SH3RF3: variants seen among roughly 807,000 people sequenced by gnomAD.
The protein encoded by SH3RF3 is E3 ubiquitin-protein ligase SH3RF3.
Under a neutral mutation model 66.3 loss-of-function variants are expected in SH3RF3, and 29 were observed. The observed-to-expected ratio is 0.44, with a 90% CI of 0.33 to 0.60. The LOEUF is 0.60. Among genes scored for constraint, SH3RF3 ranks in the 20% least tolerant of loss-of-function variants. The pLI is 0.04. For synonymous variants in SH3RF3, 583 were observed against 532.0 expected (o/e 1.10, Z -1.32); for missense variants, 1,194 against 1,190.9 (o/e 1.00, Z -0.04).
At chr2:109,224,906 A>G (rs1016295725) in intron 1 of SH3RF3, among the ~76,000 whole-genome samples, 1 of 152,238 alleles carries the variant, frequency 6.6e-6, no homozygotes, top group Non-Finnish European at 1.5e-5. Flanking sequence ...TGAAATTTAA[A>G]TAATTACCTG....
At chr2:109,280,556 T>C (rs775011404) in intron 1 of SH3RF3, among the ~76,000 whole-genome samples, 3 of 152,218 alleles carry the variant, frequency 2.0e-5, no homozygotes, top group Non-Finnish European at 4.4e-5. Flanking sequence ...CATTGAAATA[T>C]GGGGTTTCAG....
intron 1 of SH3RF3, among the ~76,000 whole-genome samples, chr2:109,213,380 C>T (rs868538227): frequency 3.3e-5 from 5 of 152,158 alleles, no homozygotes; most frequent in Admixed American, 6.5e-5. Flanking sequence ...ACAGGAGGGA[C>T]GGACCAGGGC....
chr2:109,383,275 C>T (rs1675742792), intron 3 of SH3RF3, among the ~76,000 whole-genome samples: 1 of 152,208 alleles, frequency 6.6e-6, no homozygotes, highest in South Asian at 2.1e-4. Flanking sequence ...TCTGATTTTT[C>T]AGCTGGAACC....
chr2:109,300,731 C>T (rs1681446030), intron 1 of SH3RF3, among the ~76,000 whole-genome samples: 2 of 152,240 alleles, frequency 1.3e-5, no homozygotes, highest in African/African-American at 4.8e-5. Context: ...GCACACTCTT[C>T]AGAGCCCACC....
At chr2:109,393,005 C>T (rs186384735) in intron 3 of SH3RF3, among the ~76,000 whole-genome samples, 2 of 152,318 alleles carry the variant, frequency 1.3e-5, no homozygotes, top group Admixed American at 1.3e-4. Context: ...TGAAGAATGA[C>T]GTGTTTTACA....
intron 7 of SH3RF3, among the ~76,000 whole-genome samples, chr2:109,444,789 T>C (rs535191290): frequency 1.3e-5 from 2 of 152,208 alleles, no homozygotes; most frequent in Admixed American, 6.5e-5. Context: ...CACATTAAGA[T>C]TTCAAAACAC....
At chr2:109,278,852 A>G (rs933204220) in intron 1 of SH3RF3, among the ~76,000 whole-genome samples, 1 of 152,188 alleles carries the variant, frequency 6.6e-6, no homozygotes, top group African/African-American at 2.4e-5. Flanking sequence ...CCCAGGGTCA[A>G]GTGTGGGGAC....
At chr2:109,293,178 C>T (rs1249913667) in intron 1 of SH3RF3, among the ~76,000 whole-genome samples, 1 of 152,196 alleles carries the variant, frequency 6.6e-6, no homozygotes, top group Non-Finnish European at 1.5e-5. Flanking sequence ...CCTGGGCCTC[C>T]GATGGTGCTG....
intron 2 of SH3RF3, 82 bp downstream of exon 2, chr2:109,348,031 G>A (rs1204718541): frequency 6.7e-7 from 1 of 1,488,584 alleles, no homozygotes; most frequent in African/African-American, 1.4e-5. Flanking sequence ...CAGACCTATA[G>A]CCAGACAGTC....
chr2:109,379,718 G>T (rs1348175660), intron 3 of SH3RF3, among the ~76,000 whole-genome samples: 1 of 152,206 alleles, frequency 6.6e-6, no homozygotes, highest in Non-Finnish European at 1.5e-5. Flanking sequence ...AATCCTGCTT[G>T]CATTTCTGTG....
chr2:109,200,811 C>T (rs1678652160), intron 1 of SH3RF3, among the ~76,000 whole-genome samples: 1 of 152,212 alleles, frequency 6.6e-6, no homozygotes, highest in African/African-American at 2.4e-5. Flanking sequence ...ACACAGGGCC[C>T]TGAGTTCACA....
rs569216810 is a variant in SH3RF3, at chr2:109,276,445, G to A, written c.574-71229G>A. ...CGTCTGAAGGCTGTGACTGTCCTCC[G>A]GGACCCAGGGAGGGCAAGAAGCTTT... On this transcript the variant is annotated intron_variant, in intron 1 of 9. Coordinates refer to ENST00000309415, the MANE Select transcript of SH3RF3 (RefSeq NM_001099289.3). 1.2e-4 allele frequency among the ~76,000 whole-genome samples: 18 copies of A among 152,240 alleles called. No individual in the cohort carries two copies. In the East Asian group the frequency reaches 1.4e-3, roughly 11 times the overall value.
chr2:109,463,761 T>A (rs889405609), intron 8 of SH3RF3, among the ~76,000 whole-genome samples: 1 of 152,198 alleles, frequency 6.6e-6, no homozygotes, highest in African/African-American at 2.4e-5. Flanking sequence ...TTTAGGAACA[T>A]GCTAAGACCA....
chr2:109,188,737 T>G (rs984964585), intron 1 of SH3RF3, among the ~76,000 whole-genome samples: 2 of 152,198 alleles, frequency 1.3e-5, no homozygotes, highest in African/African-American at 4.8e-5. Flanking sequence ...GTGTGTGCTT[T>G]GAGACTCTGA....
At chr2:109,230,827 A>G (rs1679489253) in intron 1 of SH3RF3, among the ~76,000 whole-genome samples, 1 of 152,204 alleles carries the variant, frequency 6.6e-6, no homozygotes, top group Non-Finnish European at 1.5e-5. Flanking sequence ...AAGATAAAAA[A>G]TTCCACTTCA....
At chr2:109,495,675 A>G (rs969633315) in intron 9 of SH3RF3, among the ~76,000 whole-genome samples, 2 of 151,558 alleles carry the variant, frequency 1.3e-5, no homozygotes, top group Non-Finnish European at 2.9e-5. Flanking sequence ...TATTTTTAGT[A>G]GAGACGGGGT....
intron 2 of SH3RF3, among the ~76,000 whole-genome samples, chr2:109,355,885 T>C (rs1682936685): frequency 6.6e-6 from 1 of 152,226 alleles, no homozygotes; most frequent in African/African-American, 2.4e-5. Context: ...CTGAAAGCAA[T>C]GGCTCCAGGT....
At chr2:109,239,485 G>A (rs149231575) in intron 1 of SH3RF3, among the ~76,000 whole-genome samples, 178 of 152,222 alleles carry the variant, frequency 1.2e-3, no homozygotes, top group Non-Finnish European at 2.1e-3. Context: ...TAGAACAAAC[G>A]GACTACAATA....
intron 1 of SH3RF3, among the ~76,000 whole-genome samples, chr2:109,198,764 C>T (rs1678567171): frequency 6.6e-6 from 1 of 152,186 alleles, no homozygotes; most frequent in South Asian, 2.1e-4. Flanking sequence ...AAGGCCTCAC[C>T]TCCTGATACC....
Sources: allele counts gnomAD v4.1 joint callset (sites outside exome capture counted in the v4.1 genomes callset), GRCh38; gene constraint gnomAD v4.1.1; transcripts MANE v1.5; gene names NCBI Gene and HGNC (gene_info 2026-07-23, HGNC 2026-07-21).